Variants in REV1 observed in about 807,000 individuals in gnomAD.
The protein encoded by REV1 is REV1 DNA directed polymerase, also known as translesion synthesis protein REV1.
In REV1, 42 loss-of-function variants were observed where a neutral mutation model predicts 137.4. The ratio of observed to expected loss-of-function variants is 0.31; its 90% confidence interval spans 0.24 to 0.40. REV1 has a LOEUF of 0.40. REV1 is among the 10% of genes least tolerant of loss of function. The pLI is 1.00. For missense variants in REV1, 1,282 were observed against 1,490.1 expected, an observed-to-expected ratio of 0.86 and a Z score of 2.30; for synonymous variants, 524 against 519.2, an observed-to-expected ratio of 1.01 and a Z score of -0.12.
At position 99,406,097 on chromosome 2, in the gene REV1, G is replaced by T. The variant is rs1676256323; in HGVS notation, c.2624C>A (p.Ala875Asp). 1 of 1,611,022 alleles carries T rather than the reference G, an allele frequency of 6.2e-7. No individual in the cohort carries two copies. Among genetic ancestry groups the T allele is most frequent in the African/African-American group, 1.3e-5 (1 of 74,814 alleles). ...TEEEHKEVFR[A>D]AVDLEISSAS... is the part of the protein sequence containing the mutation. ...AGATGATATTTCCAGATCCACAGCA[G>T]CCCGAAATACTACAAAAAGAAAATA... Residue 875 changes from alanine to aspartate, a missense_variant, in exon 17 of 23, where the codon GCT becomes GAT. Transcript: ENST00000258428.
At chr2:99,425,639 T>C (rs867283899) in intron 9 of REV1, among the ~76,000 whole-genome samples, 7 of 152,128 alleles carry the variant, frequency 4.6e-5, no homozygotes, top group East Asian at 1.9e-4. Flanking sequence ...AGAAAAAAGG[T>C]CTGGTGTTGA....
At chr2:99,417,585 T>C (rs969028703) in intron 12 of REV1, among the ~76,000 whole-genome samples, 1 of 152,188 alleles carries the variant, frequency 6.6e-6, no homozygotes, top group Non-Finnish European at 1.5e-5. Flanking sequence ...GAAGGCCATG[T>C]GAAGACACAG....
chr2:99,440,013 T>A (rs1306785385), intron 5 of REV1, among the ~76,000 whole-genome samples: 1 of 152,058 alleles, frequency 6.6e-6, no homozygotes, highest in Non-Finnish European at 1.5e-5. Context: ...TCAGTAAAAT[T>A]TACACCTAGA....
At chr2:99,488,907 T>C (rs1157013275) in intron 1 of REV1, among the ~76,000 whole-genome samples, 2 of 152,248 alleles carry the variant, frequency 1.3e-5, no homozygotes, top group Non-Finnish European at 2.9e-5. Flanking sequence ...TGTGCTAGTC[T>C]GCATTATTTT....
chr2:99,452,421 T>TAA (rs577767878), intron 3 of REV1, among the ~76,000 whole-genome samples: 4,191 of 125,306 alleles, frequency 0.033, 220 homozygotes, highest in Admixed American at 0.13. Context: ...AGAGCCTGTC[T>TAA]AAAAAAAAAA....
chr2:99,409,657 A>G (rs1486491839), intron 14 of REV1, among the ~76,000 whole-genome samples: 1 of 152,102 alleles, frequency 6.6e-6, no homozygotes, highest in African/African-American at 2.4e-5. Context: ...CAGCCTTGCC[A>G]ACATAGTGAA....
intron 1 of REV1, among the ~76,000 whole-genome samples, chr2:99,486,315 G>A (rs577298496): frequency 1.3e-5 from 2 of 152,060 alleles, no homozygotes; most frequent in Non-Finnish European, 2.9e-5. Context: ...GGATCACGAG[G>A]TCAGGAGACC....
At chr2:99,436,821 G>C (rs1020601002) in intron 6 of REV1, 1 of 151,988 alleles carries the variant, frequency 6.6e-6, no homozygotes, top group African/African-American at 2.4e-5. Flanking sequence ...CTTGTAAAAA[G>C]TTCTGATCTC....
intron 10 of REV1, among the ~76,000 whole-genome samples, chr2:99,423,327 A>G (rs1360077895): frequency 2.0e-5 from 3 of 152,216 alleles, no homozygotes; most frequent in Non-Finnish European, 4.4e-5. Flanking sequence ...GAACATTAAT[A>G]CTGCCCAGGA....
At chr2:99,472,023 A>G (rs1173168940) in intron 1 of REV1, among the ~76,000 whole-genome samples, 8 of 152,178 alleles carry the variant, frequency 5.3e-5, no homozygotes, top group Admixed American at 5.2e-4. Context: ...AAAATCTGAA[A>G]TAGAATTATC....
intron 2 of REV1, among the ~76,000 whole-genome samples, chr2:99,464,127 T>C (rs3792134): frequency 0.61 from 92,264 of 152,034 alleles, 28,671 homozygotes; most frequent in African/African-American, 0.71. Flanking sequence ...TAGATAACAT[T>C]CACCTCACAA....
chr2:99,459,079 C>G lies in REV1; in HGVS notation c.181+3417G>C, dbSNP rs1054374069. ...AAAAATTAGCCAGGCGTGGTGGTGG[C>G]CACCTGTAGTCCCAGCTACTCGGGA... is the stretch of plus-strand genomic sequence containing the variant. On this transcript the variant is annotated intron_variant, in intron 3 of 22. Coordinates refer to ENST00000258428, the MANE Select transcript of REV1 (RefSeq NM_016316.4). 1.3e-4 allele frequency among the ~76,000 whole-genome samples: 20 copies of G among 151,968 alleles called. No individual in the cohort carries two copies. In the South Asian group the frequency reaches 2.5e-3, roughly 19 times the overall value.
intron 3 of REV1, among the ~76,000 whole-genome samples, chr2:99,459,899 G>A (rs139606360): frequency 2.0e-4 from 30 of 152,226 alleles, no homozygotes; most frequent in African/African-American, 7.2e-4. Flanking sequence ...ATCATGAGAG[G>A]CTCAAATGGC....
intron 9 of REV1, among the ~76,000 whole-genome samples, chr2:99,427,742 C>T (rs1427921337): frequency 6.6e-6 from 1 of 152,034 alleles, no homozygotes; most frequent in South Asian, 2.1e-4. Context: ...CAGAAAATCA[C>T]AATTAAGGGA....
intron 3 of REV1, among the ~76,000 whole-genome samples, chr2:99,456,169 C>T (rs1196477170): frequency 2.0e-5 from 3 of 152,198 alleles, no homozygotes; most frequent in African/African-American, 7.2e-5. Context: ...GATTTAGCAT[C>T]TGAGTGAAAA....
intron 1 of REV1, among the ~76,000 whole-genome samples, chr2:99,477,851 G>T (rs1420191936): frequency 6.6e-6 from 1 of 152,164 alleles, no homozygotes; most frequent in Admixed American, 6.5e-5. Flanking sequence ...AACTGAAGGG[G>T]GCTTCCTGAA....
chr2:99,446,356 C>T (rs1682203725), intron 4 of REV1, among the ~76,000 whole-genome samples: 2 of 152,154 alleles, frequency 1.3e-5, no homozygotes, highest in Non-Finnish European at 2.9e-5. Flanking sequence ...ATGATTAAAC[C>T]TCAGTCCAGA....
intron 1 of REV1, among the ~76,000 whole-genome samples, chr2:99,480,684 T>C (rs1255447424): frequency 6.6e-6 from 1 of 152,302 alleles, no homozygotes; most frequent in East Asian, 1.9e-4. Flanking sequence ...TTCAAAAATA[T>C]AGTCAAACTC....
chr2:99,442,564 CCAA>C (rs1387371571), intron 4 of REV1, 95 bp from the exon 5 acceptor site: 3 of 1,127,804 alleles, frequency 2.7e-6, no homozygotes, highest in Non-Finnish European at 3.9e-6. Context: ...CAGTATTTCA[CCAA>C]CAACAGGTCA....
Sources: allele counts gnomAD v4.1 joint callset (sites outside exome capture counted in the v4.1 genomes callset), GRCh38; gene constraint gnomAD v4.1.1; transcripts MANE v1.5; gene names NCBI Gene and HGNC (gene_info 2026-07-23, HGNC 2026-07-21).